The following NCOR1 variants were observed in gnomAD, a reference collection of about 807,000 sequenced individuals.
The protein encoded by NCOR1 is nuclear receptor corepressor 1.
In NCOR1, 63 loss-of-function variants were observed where a neutral mutation model predicts 288.1. The ratio of observed to expected loss-of-function variants is 0.22; its 90% confidence interval spans 0.18 to 0.27. The LOEUF is 0.27. NCOR1 is among the 10% of genes least tolerant of loss of function. NCOR1 has a pLI of 1.00. For missense variants in NCOR1, 2,397 were observed against 3,019.2 expected (o/e 0.79, Z 4.83); for synonymous variants, 1,007 against 1,065.9 (o/e 0.94, Z 1.08).
chr17:16,118,429 C>A (rs557425499), intron 17 of NCOR1, among the ~76,000 whole-genome samples: 2 of 152,224 alleles, frequency 1.3e-5, no homozygotes, highest in African/African-American at 4.8e-5. Flanking sequence ...AATTTAAAGA[C>A]ATATATATGA....
At chr17:16,041,882 G>A (rs1008733739) in intron 42 of NCOR1, among the ~76,000 whole-genome samples, 15 of 151,608 alleles carry the variant, frequency 9.9e-5, no homozygotes, top group South Asian at 2.1e-4. Context: ...GACTACAGGC[G>A]CCCGCCACTA....
Position 16,075,577 on chromosome 17 carries a change from A to G in NCOR1, c.3627T>C (p.His1209=), listed in dbSNP as rs760590598. 2.5e-6 allele frequency: 4 copies of G among 1,614,230 alleles called. No homozygotes were observed. Among genetic ancestry groups the G allele is most frequent in the Non-Finnish European group, 3.4e-6 (4 of 1,180,034 alleles). The stretch of plus-strand genomic sequence containing the variant: ...GTCCACTTTTGCCTTCATAAATAAC[A>G]TGGCCTTTGGATGCAGCTTCCTCTC... The part of the protein sequence containing the change: ...KGREEAASKG[H]VIYEGKSGHI... The change falls in exon 27 of 46, where the codon CAT becomes CAC. Residue 1209 remains histidine, a synonymous_variant. Coordinates refer to ENST00000268712, the MANE Select transcript of NCOR1 (RefSeq NM_006311.4).
intron 6 of NCOR1, among the ~76,000 whole-genome samples, chr17:16,156,768 C>T (rs1339096487): frequency 2.0e-5 from 3 of 151,996 alleles, no homozygotes; most frequent in East Asian, 3.8e-4. Flanking sequence ...AAACACTATA[C>T]TAATTAATAA....
At chr17:16,143,785 G>T in intron 10 of NCOR1, 89 bp from the exon 11 acceptor site, 1 of 958,984 alleles carries the variant, frequency 1.0e-6, no homozygotes, top group Admixed American at 2.7e-5. Context: ...TTTTCTGAAT[G>T]GAACTTTTTA....
At chr17:16,141,645 G>A (rs1253538911) in intron 11 of NCOR1, among the ~76,000 whole-genome samples, 5 of 152,088 alleles carry the variant, frequency 3.3e-5, no homozygotes, top group Admixed American at 6.5e-5. Context: ...TGTACAAAGA[G>A]GCTATTTTTT....
At chr17:16,035,844 T>C (rs1341432007) in intron 44 of NCOR1, among the ~76,000 whole-genome samples, 1 of 152,100 alleles carries the variant, frequency 6.6e-6, no homozygotes, top group Non-Finnish European at 1.5e-5. Context: ...ACCCGGCCTC[T>C]CTTGCTATTT....
rs1363042477 is a variant in NCOR1, at chr17:16,048,857, G to A, written c.6524C>T (p.Pro2175Leu). The change falls in exon 41 of 46, where the codon CCT becomes CTT. Residue 2175 changes from proline to leucine, a missense_variant. Coordinates refer to ENST00000268712, the MANE Select transcript of NCOR1 (RefSeq NM_006311.4). ...LLLLSQRGAE[P>L]AEQRNDARSP... ...GAAGCACACTTACCTCTGCTCTGCAGGCTCTGCGCCCCTCTGAGACAAGAG... is the reference window on the plus strand; with the variant it reads ...GAAGCACACTTACCTCTGCTCTGCAAGCTCTGCGCCCCTCTGAGACAAGAG... 3.7e-6 allele frequency: 6 copies of A among 1,611,970 alleles called. No individual in the cohort carries two copies. In the Admixed American group the frequency reaches 1.0e-4, roughly 27 times the overall value.
At chr17:16,154,190 T>C (rs922952431) in intron 6 of NCOR1, among the ~76,000 whole-genome samples, 1 of 151,848 alleles carries the variant, frequency 6.6e-6, no homozygotes, top group East Asian at 1.9e-4. Context: ...CAGCACCCAG[T>C]TGCTATTTTC....
In NCOR1 at chr17:16,215,495, C is replaced by CGCGGCT. The variant is rs1341158252; in HGVS notation, c.-210_-205dup. 7.5e-6 allele frequency: 3 copies of CGCGGCT among 398,562 alleles called. No homozygotes were observed. The highest frequency in any genetic ancestry group is 1.3e-5 in the Non-Finnish European group (3 of 226,230). 24.7% of individuals were successfully genotyped at this position (398,562 alleles called of 1,614,324 possible). Reference sequence around the variant, plus strand: ...CGCTCACTCCAGCCGCCGCCGCCGCCGCGGCTGCTGCTTCGCCACCTTGGC... The same window carrying CGCGGCT: ...CGCTCACTCCAGCCGCCGCCGCCGCCGCGGCTGCGGCTGCTGCTTCGCCACCTTGGC... On this transcript the variant is annotated 5_prime_UTR_variant, in exon 1 of 46. Coordinates refer to ENST00000268712, the MANE Select transcript of NCOR1 (RefSeq NM_006311.4).
Position 16,127,287 on chromosome 17 carries a change from A to G in NCOR1, c.1510-1081T>C, listed in dbSNP as rs538549486. 2.3e-3 allele frequency among the ~76,000 whole-genome samples: 284 copies of G among 124,008 alleles called. 61 individuals are homozygous for G. The highest frequency in any genetic ancestry group is 0.017 in the Middle Eastern group (3 of 180). 81.4% of individuals were successfully genotyped at this position (124,008 alleles called of 152,430 possible). A position where few individuals can be genotyped will look rare whatever the true frequency, so the allele number is the denominator to read the frequency against. On this transcript the variant is annotated intron_variant, in intron 14 of 45. Coordinates refer to ENST00000268712, the MANE Select transcript of NCOR1 (RefSeq NM_006311.4). ...TATATATGTATGTATATATACGTGTATATATGTATGTATGTATATATACAT... is the reference window on the plus strand; with the variant it reads ...TATATATGTATGTATATATACGTGTGTATATGTATGTATGTATATATACAT...
intron 1 of NCOR1, among the ~76,000 whole-genome samples, chr17:16,213,550 A>C (rs1388131668): frequency 6.6e-6 from 1 of 152,056 alleles, no homozygotes; most frequent in African/African-American, 2.4e-5. Flanking sequence ...TCAAGAGATA[A>C]AATAGGTACA....
At position 16,079,855 on chromosome 17, in the gene NCOR1, C is replaced by A. The variant is rs1468820240; in HGVS notation, c.3501+109G>T. ...AGATCTAGGTTATGAGACCCAGTCC[C>A]ATAATGCAGAAAAATGAACTTAAGC... On this transcript the variant is annotated intron_variant, in intron 26 of 45. Coordinates refer to ENST00000268712, the MANE Select transcript of NCOR1 (RefSeq NM_006311.4). The A allele has an allele frequency of 1.2e-5, 10 of 843,702 alleles. No individual in the cohort carries two copies. In the East Asian group the frequency reaches 2.4e-4, roughly 21 times the overall value. The allele number at this position is 843,702 out of a possible 1,614,324, so 52.3% of individuals were successfully genotyped here. A position where few individuals can be genotyped will look rare whatever the true frequency, so the allele number is the denominator to read the frequency against.
At chr17:16,091,826 C>T (rs1329260681) in intron 22 of NCOR1, 37 bp downstream of exon 22, 24 of 1,612,678 alleles carry the variant, frequency 1.5e-5, no homozygotes, top group South Asian at 2.2e-5. Context: ...TATTTCCCTT[C>T]ATAAAAGTTC....
intron 42 of NCOR1, among the ~76,000 whole-genome samples, chr17:16,045,482 T>C (rs1053770553): frequency 3.9e-5 from 6 of 152,178 alleles, no homozygotes; most frequent in African/African-American, 1.4e-4. Flanking sequence ...TTTGCTACCA[T>C]TATTACTGAT....
chr17:16,135,181 A>AC (rs2076221970), intron 14 of NCOR1, among the ~76,000 whole-genome samples: 1 of 151,532 alleles, frequency 6.6e-6, no homozygotes, highest in Admixed American at 6.6e-5. Flanking sequence ...AAAAAAAAAA[A>AC]ACTGTAGCTG....
intron 26 of NCOR1, among the ~76,000 whole-genome samples, chr17:16,079,031 G>A (rs2062970612): frequency 1.3e-5 from 2 of 152,190 alleles, no homozygotes; most frequent in Admixed American, 1.3e-4. Flanking sequence ...AGTGCGGACT[G>A]ACATTTCTGC....
intron 21 of NCOR1, among the ~76,000 whole-genome samples, chr17:16,092,647 T>TTATTTATATATA (rs1555628451): frequency 4.7e-4 from 15 of 32,128 alleles, no homozygotes; most frequent in East Asian, 1.1e-3. Context: ...TCAGATCCAT[T>TTATTTATATATA]TATATATATA....
intron 3 of NCOR1, among the ~76,000 whole-genome samples, chr17:16,185,003 T>C (rs1380636189): frequency 9.7e-6 from 1 of 102,924 alleles, no homozygotes; most frequent in African/African-American, 3.4e-5. Flanking sequence ...ATGTGGAATC[T>C]TAAACAAAAA....
At chr17:16,082,952 G>A (rs2063620086) in intron 23 of NCOR1, among the ~76,000 whole-genome samples, 2 of 152,108 alleles carry the variant, frequency 1.3e-5, no homozygotes, top group Admixed American at 6.5e-5. Context: ...GTAAAATACT[G>A]AATGCCTTCC....
Sources: allele counts gnomAD v4.1 joint callset (sites outside exome capture counted in the v4.1 genomes callset), GRCh38; gene constraint gnomAD v4.1.1; transcripts MANE v1.5; gene names NCBI Gene and HGNC (gene_info 2026-07-23, HGNC 2026-07-21).